NFAT5: variants seen among roughly 807,000 people sequenced by gnomAD.
The protein encoded by NFAT5 is nuclear factor of activated T-cells 5.
NFAT5 carries 31 observed loss-of-function variants against 166.5 expected under a neutral mutation model. That is an observed-to-expected ratio of 0.19 (90% CI 0.14 to 0.25). The LOEUF is 0.25. NFAT5 is among the 10% of genes least tolerant of loss of function. NFAT5 has a pLI of 1.00. For synonymous variants in NFAT5, 612 were observed against 639.7 expected (o/e 0.96, Z 0.65); for missense variants, 1,449 against 1,821.8 (o/e 0.80, Z 3.72).
In NFAT5 at chr16:69,659,875, A is replaced by T. The variant is rs748289285; in HGVS notation, c.1345A>T (p.Thr449Ser). 6.2e-7 allele frequency: 1 copy of T among 1,612,840 alleles called. No homozygotes were observed. Among genetic ancestry groups the T allele is most frequent in the Admixed American group, 1.7e-5 (1 of 59,878 alleles). The change falls in exon 7 of 15, where the codon ACA becomes TCA. Residue 449 changes from threonine (T) to serine (S), a missense_variant. Coordinates refer to ENST00000349945, the MANE Select transcript of NFAT5 (RefSeq NM_138713.4). ...AGATGGCTCCACTTTGACACTGCAA[A>T]CACCCTCTTCTCCAATTTTGTGTAG... ...RKDGSTLTLQ[T>S]PSSPILCTQP...
At chr16:69,686,518 CAAAAA>C (rs1358179071) in intron 11 of NFAT5, among the ~76,000 whole-genome samples, 1 of 151,840 alleles carries the variant, frequency 6.6e-6, no homozygotes, top group African/African-American at 2.4e-5. Context: ...ACAAGGTTCT[CAAAAA>C]CAAAACAAAG....
At chr16:69,611,589 A>G (rs1169039650) in intron 2 of NFAT5, among the ~76,000 whole-genome samples, 1 of 152,208 alleles carries the variant, frequency 6.6e-6, no homozygotes, top group Non-Finnish European at 1.5e-5. Context: ...AAAGGCACCA[A>G]CAGATTATAT....
chr16:69,591,648 GA>G (rs1386353690), intron 2 of NFAT5, among the ~76,000 whole-genome samples: 1 of 152,042 alleles, frequency 6.6e-6, no homozygotes, highest in African/African-American at 2.4e-5. Flanking sequence ...AATATGTTGA[GA>G]AAAAAAGTTG....
rs541934265 is a variant in NFAT5, at chr16:69,606,464, T to A, written c.128-19939T>A. On this transcript the variant is annotated intron_variant, in intron 2 of 14. Transcript: ENST00000349945. ...TTATGTAAAATCTGATTTTTAAATG[T>A]TGGCAATTAATTTTAAATGTTTTTT... Among the ~76,000 whole-genome samples the A allele has an allele frequency of 2.6e-5, 4 of 151,588 alleles. No individual in the cohort carries two copies. The South Asian group carries it at 6.2e-4, about 24-fold the overall frequency.
At chr16:69,669,399 G>A (rs1272622168) in intron 7 of NFAT5, among the ~76,000 whole-genome samples, 1 of 152,152 alleles carries the variant, frequency 6.6e-6, no homozygotes, top group Non-Finnish European at 1.5e-5. Flanking sequence ...ACAAAAATTA[G>A]CTGGGCGTGG....
chr16:69,680,152 A>G (rs933509399), intron 10 of NFAT5, among the ~76,000 whole-genome samples: 1 of 152,190 alleles, frequency 6.6e-6, no homozygotes, highest in Non-Finnish European at 1.5e-5. Flanking sequence ...TGATAGTTAA[A>G]GCATTTTAGT....
intron 2 of NFAT5, among the ~76,000 whole-genome samples, chr16:69,580,076 G>A (rs1207362252): frequency 6.6e-6 from 1 of 152,012 alleles, no homozygotes; most frequent in Non-Finnish European, 1.5e-5. Context: ...ATTAGCATAA[G>A]CTTCAGAACA....
intron 7 of NFAT5, among the ~76,000 whole-genome samples, chr16:69,665,207 A>G (rs935417664): frequency 7.9e-5 from 12 of 152,024 alleles, no homozygotes; most frequent in African/African-American, 2.9e-4. Flanking sequence ...CCCACAGCCA[A>G]TATCATACTG....
At chr16:69,630,842 T>A (rs2034680968) in intron 3 of NFAT5, among the ~76,000 whole-genome samples, 2 of 152,340 alleles carry the variant, frequency 1.3e-5, no homozygotes, top group African/African-American at 4.8e-5. Flanking sequence ...TGGGGTTTTT[T>A]AAAATAACAG....
At position 69,700,151 on chromosome 16, in the gene NFAT5, CTTCT is replaced by C. The variant is rs2037873810; in HGVS notation, c.*3803_*3806del. The stretch of plus-strand genomic sequence containing the variant: ...CCTTCCATCTCCCCCTCCTCCCTGC[CTTCT>C]TTGTTTCTCCTTCCCTTATTCCTCC... On this transcript the variant is annotated 3_prime_UTR_variant, in exon 15 of 15. Coordinates refer to ENST00000349945, the MANE Select transcript of NFAT5 (RefSeq NM_138713.4). 1.3e-5 allele frequency: 2 copies of C among 151,778 alleles called. No individual in the cohort carries two copies. Among genetic ancestry groups the C allele is most frequent in the Non-Finnish European group, 2.9e-5 (2 of 67,844 alleles). 9.4% of individuals were successfully genotyped at this position (151,778 alleles called of 1,614,324 possible).
rs775041694 is a variant in NFAT5 at position 69,568,470 on chromosome 16, A to AC, written c.74-23dup. On this transcript the variant is annotated intron_variant, in intron 1 of 14. Transcript: ENST00000349945. The stretch of plus-strand genomic sequence containing the variant: ...TTTTTCCTCATTCAGCATAAAAAGT[A>AC]CCTAATGCTTTTTGTGTTTTTCAGA... 6.8e-6 allele frequency: 11 copies of AC among 1,609,012 alleles called. No individual in the cohort carries two copies. The East Asian group carries it at 2.5e-4, about 36-fold the overall frequency.
intron 2 of NFAT5, among the ~76,000 whole-genome samples, chr16:69,589,387 TA>T (rs2032318797): frequency 6.6e-6 from 1 of 152,224 alleles, no homozygotes; most frequent in African/African-American, 2.4e-5. Flanking sequence ...TAGCTCTTTG[TA>T]ACAGAACTGG....
chr16:69,612,376 C>G (rs1391258790), intron 2 of NFAT5, among the ~76,000 whole-genome samples: 5 of 151,892 alleles, frequency 3.3e-5, no homozygotes, highest in Non-Finnish European at 7.4e-5. Flanking sequence ...ATGTTATATT[C>G]AAGTGAAAAT....
Position 69,647,164 on chromosome 16 carries a change from G to A in NFAT5, c.390G>A (p.Val130=). 1.9e-6 allele frequency: 3 copies of A among 1,614,088 alleles called. 1 individual carries two copies. In the South Asian group the frequency reaches 3.3e-5, roughly 18 times the overall value. Reference sequence around the variant, plus strand: ...AAGTGGAGAGCTGCTCCTCAGCCGTGGGGGTAAGTAACAGAGGGGTAAGTG... The same window carrying A: ...AAGTGGAGAGCTGCTCCTCAGCCGTAGGGGTAAGTAACAGAGGGGTAAGTG... ...AMQVESCSSA[V]GVSNRGVSEK... is the part of the protein sequence containing the mutation. Residue 130 remains valine (V), a synonymous_variant, in exon 4 of 15, where the codon GTG becomes GTA. Transcript: ENST00000349945. The surrounding 1 kb of genome is among the most constrained non-coding windows in gnomAD (Gnocchi z 4.8).
At position 69,568,352 on chromosome 16, in the gene NFAT5, G is replaced by GTGTT. The variant is rs2142888539; in HGVS notation, c.74-140_74-139insTTGT. 1.3e-5 allele frequency: 4 copies of GTGTT among 317,172 alleles called. No individual in the cohort carries two copies. The South Asian group carries it at 1.7e-4, about 13-fold the overall frequency. 19.6% of individuals were successfully genotyped at this position (317,172 alleles called of 1,614,324 possible). Reference sequence around the variant, plus strand: ...TATGTGTGTATATATATATATGTGTGTGTGTGTGTGTGTGTGTGTGTGTGT... The same window carrying GTGTT: ...TATGTGTGTATATATATATATGTGTGTGTTTGTGTGTGTGTGTGTGTGTGTGTGT... On this transcript the variant is annotated intron_variant, in intron 1 of 14. Coordinates refer to ENST00000349945, the MANE Select transcript of NFAT5 (RefSeq NM_138713.4).
At chr16:69,635,023 G>GTTTTTTTTTTTTTTTTTTTTT (rs530661389) in intron 3 of NFAT5, among the ~76,000 whole-genome samples, 4 of 105,268 alleles carry the variant, frequency 3.8e-5, no homozygotes, top group African/African-American at 3.8e-5. Flanking sequence ...TGTTAGTAAA[G>GTTTTTTTTTTTTTTTTTTTTT]TTTTTTTTTT....
chr16:69,572,737 CA>C (rs1355394214), intron 2 of NFAT5, among the ~76,000 whole-genome samples: 3 of 151,890 alleles, frequency 2.0e-5, no homozygotes, highest in African/African-American at 7.3e-5. Flanking sequence ...ATAGATTTAA[CA>C]ATTTTAATGA....
chr16:69,573,208 A>G (rs2016542364), intron 2 of NFAT5, among the ~76,000 whole-genome samples: 2 of 152,220 alleles, frequency 1.3e-5, no homozygotes, highest in African/African-American at 4.8e-5. Flanking sequence ...AAATATGACA[A>G]TGAGTTAAGA....
chr16:69,650,913 C>T (rs979868753), intron 4 of NFAT5, among the ~76,000 whole-genome samples: 1 of 152,162 alleles, frequency 6.6e-6, no homozygotes, highest in African/African-American at 2.4e-5. Flanking sequence ...TGAGGAACTG[C>T]ACACTAGTTA....
Sources: allele counts gnomAD v4.1 joint callset (sites outside exome capture counted in the v4.1 genomes callset), GRCh38; gene constraint gnomAD v4.1.1; non-coding constraint Gnocchi (gnomAD v3.1); transcripts MANE v1.5; gene names NCBI Gene and HGNC (gene_info 2026-07-23, HGNC 2026-07-21).